Variants in FCRL5 observed in about 807,000 individuals in gnomAD.
The protein encoded by FCRL5 is Fc receptor-like protein 5.
Under a neutral mutation model 92.1 loss-of-function variants are expected in FCRL5, and 79 were observed. That is an observed-to-expected ratio of 0.86 (90% CI 0.72 to 1.03). The LOEUF (loss-of-function observed/expected upper bound fraction) is 1.03, where lower values mean the gene tolerates loss of function less well. Ranked by LOEUF, FCRL5 falls within the 50% of genes least tolerant of loss-of-function variation. The probability of loss-of-function intolerance (pLI) is 0.00; values close to 1 mark genes in which losing one functional copy is unlikely to be tolerated. For synonymous variants in FCRL5, 466 were observed against 469.3 expected, an observed-to-expected ratio of 0.99 and a Z score of 0.09; for missense variants, 1,160 against 1,181.1, an observed-to-expected ratio of 0.98 and a Z score of 0.26.
In FCRL5 at chr1:157,534,423, G is replaced by C. The variant is rs1650839809; in HGVS notation, c.1681+191C>G. On this transcript the variant is annotated intron_variant, in intron 8 of 16. Coordinates refer to ENST00000361835, the MANE Select transcript of FCRL5 (RefSeq NM_031281.3). ...TGGTAAAAGCTGGGGAATCTACTGA[G>C]CTGTTTTAGGGGTCTGGCTGAGCCA... is the stretch of plus-strand genomic sequence containing the variant. 3 of 723,244 alleles carry C rather than the reference G, an allele frequency of 4.1e-6. No individual in the cohort carries two copies. In the South Asian group the frequency reaches 4.5e-5, roughly 11 times the overall value. 44.8% of individuals were successfully genotyped at this position (723,244 alleles called of 1,614,324 possible). A position where few individuals can be genotyped will look rare whatever the true frequency, so the allele number is the denominator to read the frequency against.
intron 7 of FCRL5, among the ~76,000 whole-genome samples, chr1:157,537,178 G>A (rs1391792806): frequency 1.3e-5 from 2 of 152,212 alleles, no homozygotes; most frequent in African/African-American, 4.8e-5. Context: ...TGTGAGCTGG[G>A]TGGAACAGAG....
intron 15 of FCRL5, among the ~76,000 whole-genome samples, chr1:157,517,532 C>A (rs1230248514): frequency 6.6e-6 from 1 of 152,090 alleles, no homozygotes; most frequent in Non-Finnish European, 1.5e-5. Flanking sequence ...AGAAGGAGGC[C>A]TGTCTATGGA....
chr1:157,519,679 C>G, intron 13 of FCRL5, 64 bp downstream of exon 13: 1 of 1,554,222 alleles, frequency 6.4e-7, no homozygotes, highest in Non-Finnish European at 8.9e-7. Flanking sequence ...TCATCAGATT[C>G]AATTCCATTT....
chr1:157,523,482 G>A (rs1285326410), intron 10 of FCRL5, among the ~76,000 whole-genome samples: 1 of 152,164 alleles, frequency 6.6e-6, no homozygotes, highest in Admixed American at 6.5e-5. Flanking sequence ...CATACAGCTA[G>A]TTATCTTCAG....
chr1:157,533,821 A>C (rs1460616371), intron 8 of FCRL5: 2 of 153,870 alleles, frequency 1.3e-5, no homozygotes, highest in Admixed American at 1.3e-4. Context: ...GAGTAGTCTC[A>C]GAACATTCAC....
At chr1:157,543,871 C>T (rs1307671559) in intron 5 of FCRL5, among the ~76,000 whole-genome samples, 1 of 152,094 alleles carries the variant, frequency 6.6e-6, no homozygotes, top group Non-Finnish European at 1.5e-5. Flanking sequence ...CAGAAATTTT[C>T]ACTTTGGTTA....
chr1:157,522,134 T>G (rs1353701380), intron 10 of FCRL5: 3 of 152,238 alleles, frequency 2.0e-5, no homozygotes, highest in Admixed American at 6.5e-5. Flanking sequence ...GTAGATTATT[T>G]CTAGAAGCAT....
Position 157,549,585 on chromosome 1 carries a change from A to C in FCRL5, c.32-5T>G. The C allele has an allele frequency of 1.2e-6, 2 of 1,610,070 alleles. No homozygotes were observed. Among genetic ancestry groups the C allele is most frequent in the African/African-American group, 1.3e-5 (1 of 74,722 alleles). On this transcript the variant is annotated splice_polypyrimidine_tract_variant and splice_region_variant and intron_variant, in intron 1 of 16. Coordinates refer to ENST00000361835, the MANE Select transcript of FCRL5 (RefSeq NM_031281.3). ...CAAACTGTCCACTGACAGGAGCTGC[A>C]AAAAAATAAGAGCCAGAGATGAGCA...
Position 157,543,120 on chromosome 1 carries a change from C to T in FCRL5, c.862G>A (p.Val288Ile). ...IQVQIPASHPVLTLSPEKALN... is the reference protein window; with the variant it reads ...IQVQIPASHPILTLSPEKALN... ...GCCTTTTCAGGGCTGAGAGTGAGGA[C>T]AGGATGAGATGCAGGGACTGAGCAA... is the stretch of plus-strand genomic sequence containing the variant. Residue 288 changes from valine (V) to isoleucine (I), a missense_variant, in exon 6 of 17, where the codon GTC becomes ATC. Physicochemically the swap from Val to Ile is conservative, Grantham distance 29. Transcript: ENST00000361835. 6.2e-7 allele frequency: 1 copy of T among 1,614,036 alleles called. No individual in the cohort carries two copies. Among genetic ancestry groups the T allele is most frequent in the Non-Finnish European group, 8.5e-7 (1 of 1,179,966 alleles).
In FCRL5 at chr1:157,543,000, G is replaced by T; in HGVS notation, c.982C>A (p.Leu328Met). ...LYRFYHEGVP[L>M]RHKSVRCERG... Reference sequence around the variant, plus strand: ...TCACAGCGGACTGACTTGTGCCTCAGGGGGACACCCTCATGATAAAACCTG... The same window carrying T: ...TCACAGCGGACTGACTTGTGCCTCATGGGGACACCCTCATGATAAAACCTG... Residue 328 changes from leucine (L) to methionine (M), a missense_variant, in exon 6 of 17, where the codon CTG becomes ATG. Leu to Met is a conservative substitution (Grantham distance 15). Coordinates refer to ENST00000361835, the MANE Select transcript of FCRL5 (RefSeq NM_031281.3). 6.2e-7 allele frequency: 1 copy of T among 1,614,242 alleles called. No homozygotes were observed. The highest frequency in any genetic ancestry group is 2.2e-5 in the East Asian group (1 of 44,886).
intron 1 of FCRL5, among the ~76,000 whole-genome samples, chr1:157,549,995 G>T (rs1411658977): frequency 1.3e-5 from 2 of 152,078 alleles, no homozygotes; most frequent in African/African-American, 4.8e-5. Flanking sequence ...TGAACAGGAT[G>T]GGTGGATCCT....
intron 6 of FCRL5, 93 bp downstream of exon 6, chr1:157,542,765 GA>G: frequency 7.1e-7 from 1 of 1,405,820 alleles, no homozygotes; most frequent in Non-Finnish European, 9.7e-7. Flanking sequence ...GAAAGAAACT[GA>G]GGATACTGGA....
intron 1 of FCRL5, among the ~76,000 whole-genome samples, chr1:157,551,083 G>C (rs1298393336): frequency 6.6e-6 from 1 of 152,176 alleles, no homozygotes; most frequent in Non-Finnish European, 1.5e-5. Context: ...ATATTTTTGT[G>C]AGTGGTTTCT....
chr1:157,545,217 T>C (rs1488958866), intron 3 of FCRL5, 135 bp from the exon 4 acceptor site: 1 of 1,097,922 alleles, frequency 9.1e-7, no homozygotes, highest in African/African-American at 1.6e-5. Context: ...ATTTCTTTTT[T>C]TCTGATTTAA....
Position 157,544,413 on chromosome 1 carries a change from A to G in FCRL5, c.693T>C (p.Asp231=). 1.2e-6 allele frequency: 2 copies of G among 1,614,244 alleles called. No homozygotes were observed. Among genetic ancestry groups the G allele is most frequent in the Admixed American group, 1.7e-5 (1 of 60,028 alleles). ...DVPLRFRFFR[D]DQTLGLGWSL... is the part of the protein sequence containing the mutation. ...TCCAGCCTAATCCCAGGGTCTGGTCATCTCTGAAGAAGCGGAACCGGAGCG... is the reference window on the plus strand; with the variant it reads ...TCCAGCCTAATCCCAGGGTCTGGTCGTCTCTGAAGAAGCGGAACCGGAGCG... Residue 231 remains aspartate, a synonymous_variant, in exon 5 of 17, where the codon GAT becomes GAC. Coordinates refer to ENST00000361835, the MANE Select transcript of FCRL5 (RefSeq NM_031281.3).
intron 12 of FCRL5, 87 bp from the exon 13 acceptor site, chr1:157,519,857 C>T: frequency 7.3e-7 from 1 of 1,368,354 alleles, no homozygotes; most frequent in Non-Finnish European, 1.0e-6. Context: ...TTAGAAACTG[C>T]CAGGAGTTGC....
rs541878422 is a variant in FCRL5 at position 157,521,503 on chromosome 1, A to C, written c.2240-211T>G. On this transcript the variant is annotated intron_variant, in intron 10 of 16. Coordinates refer to ENST00000361835, the MANE Select transcript of FCRL5 (RefSeq NM_031281.3). ...CTGTAAAAAGTGTATAAATCACTGA[A>C]AACTTCAAATAGACAATAAATATAT... 5.0e-5 allele frequency: 26 copies of C among 519,402 alleles called. No homozygotes were observed. In the East Asian group the frequency reaches 8.7e-4, roughly 17 times the overall value. 32.2% of individuals were successfully genotyped at this position (519,402 alleles called of 1,614,324 possible). A position where few individuals can be genotyped will look rare whatever the true frequency, so the allele number is the denominator to read the frequency against.
At chr1:157,535,943 G>GTTTTT (rs60191062) in intron 7 of FCRL5, among the ~76,000 whole-genome samples, 9 of 90,006 alleles carry the variant, frequency 1.0e-4, no homozygotes, top group East Asian at 4.2e-4. Context: ...ATGTGACTCA[G>GTTTTT]TTTTTTTTTT....
chr1:157,524,450 G>A lies in FCRL5; in HGVS notation c.2068C>T (p.Leu690=), dbSNP rs1315662235. The A allele has an allele frequency of 3.1e-6, 5 of 1,614,248 alleles. No homozygotes were observed. Among genetic ancestry groups the A allele is most frequent in the Non-Finnish European group, 4.2e-6 (5 of 1,180,048 alleles). The part of the protein sequence containing the change: ...CEALRGSSPI[L]YWFYHEDVTL... ...ACATCTTCATGATAAAACCAGTACAGGATTGGGGAGGAGCCTCTCAGGGCC... is the reference window on the plus strand; with the variant it reads ...ACATCTTCATGATAAAACCAGTACAAGATTGGGGAGGAGCCTCTCAGGGCC... Residue 690 remains leucine (L), a synonymous_variant, in exon 10 of 17, where the codon CTG becomes TTG. Coordinates refer to ENST00000361835, the MANE Select transcript of FCRL5 (RefSeq NM_031281.3).
Sources: allele counts gnomAD v4.1 joint callset (sites outside exome capture counted in the v4.1 genomes callset), GRCh38; gene constraint gnomAD v4.1.1; transcripts MANE v1.5; gene names NCBI Gene and HGNC (gene_info 2026-07-23, HGNC 2026-07-21).